Variants in MKLN1 observed in about 807,000 individuals in gnomAD.
MKLN1 encodes muskelin.
A neutral mutation model predicts 99.0 loss-of-function variants in MKLN1; 18 were observed. The observed-to-expected ratio is 0.18, with a 90% CI of 0.13 to 0.27. The LOEUF (loss-of-function observed/expected upper bound fraction) is 0.27, where lower values mean the gene tolerates loss of function less well. Among genes scored for constraint, MKLN1 ranks in the 10% least tolerant of loss-of-function variants. MKLN1 has a pLI of 1.00. For missense variants in MKLN1, 621 were observed against 875.9 expected (o/e 0.71, Z 3.67); for synonymous variants, 288 against 293.2 (o/e 0.98, Z 0.18).
intron 4 of MKLN1, among the ~76,000 whole-genome samples, chr7:131,391,224 T>C (rs950919455): frequency 1.3e-5 from 2 of 152,226 alleles, no homozygotes; most frequent in African/African-American, 4.8e-5. Flanking sequence ...CAGACGTTTA[T>C]TTCATTTAGG....
chr7:131,356,704 T>G (rs926742811), intron 1 of MKLN1, among the ~76,000 whole-genome samples: 2 of 152,128 alleles, frequency 1.3e-5, no homozygotes, highest in African/African-American at 4.8e-5. Context: ...TTCTTGAATA[T>G]TGAAAGGACA....
At chr7:131,123,736 C>T (rs57843568) in intron 1 of MKLN1, among the ~76,000 whole-genome samples, 8,342 of 151,316 alleles carry the variant, frequency 0.055, 264 homozygotes, top group Middle Eastern at 0.083. Flanking sequence ...TGCAGTGAGC[C>T]GAGATTGTGC....
intron 1 of MKLN1, among the ~76,000 whole-genome samples, chr7:131,140,976 G>A (rs1795723601): frequency 1.3e-5 from 2 of 151,958 alleles, no homozygotes; most frequent in Admixed American, 1.3e-4. Context: ...AGTAGAGATG[G>A]GGCTTCACCG....
chr7:131,378,848 G>A (rs1793749532), intron 2 of MKLN1, among the ~76,000 whole-genome samples: 1 of 150,804 alleles, frequency 6.6e-6, no homozygotes, highest in African/African-American at 2.4e-5. Context: ...AAAAATACAC[G>A]CACGTGTGCA....
chr7:131,345,548 C>T (rs1799534450), intron 1 of MKLN1, among the ~76,000 whole-genome samples: 2 of 152,204 alleles, frequency 1.3e-5, no homozygotes, highest in South Asian at 2.1e-4. Context: ...GAGACCTCTT[C>T]TCTACAAAAC....
intron 3 of MKLN1, among the ~76,000 whole-genome samples, chr7:131,314,329 C>T (rs1226434598): frequency 1.3e-5 from 2 of 152,208 alleles, no homozygotes; most frequent in African/African-American, 4.8e-5. Flanking sequence ...CTTTTTCTGT[C>T]TTCCTTTAGG....
At position 131,212,936 on chromosome 7, in the gene MKLN1, C is replaced by A. The variant is rs575890613; in HGVS notation, c.-179+9962C>A. Among the ~76,000 whole-genome samples, 14 of 148,628 alleles carry A rather than the reference C, an allele frequency of 9.4e-5. 1 individual carries two copies. Among genetic ancestry groups the A allele is most frequent in the East Asian group, 2.0e-4 (1 of 5,096 alleles). On this transcript the variant is annotated intron_variant, in intron 3 of 7. Coordinates refer to the MKLN1 transcript ENST00000416992. Reference sequence around the variant, plus strand: ...AAAACTCCGTCTCAAAAAAAAAAAACAAAAAACACCTACCTTAACAGATCT... The same window carrying A: ...AAAACTCCGTCTCAAAAAAAAAAAAAAAAAAACACCTACCTTAACAGATCT...
At chr7:131,404,959 T>G (rs551037581) in intron 6 of MKLN1, among the ~76,000 whole-genome samples, 81 of 132,090 alleles carry the variant, frequency 6.1e-4, no homozygotes, top group Non-Finnish European at 8.2e-5. Context: ...CACTTTCCAG[T>G]GTCTGAAGCT....
intron 3 of MKLN1, among the ~76,000 whole-genome samples, chr7:131,264,102 C>G (rs987925552): frequency 6.6e-6 from 1 of 152,176 alleles, no homozygotes; most frequent in Non-Finnish European, 1.5e-5. Context: ...ACTGTTCTTT[C>G]TCTGGGCCCA....
At chr7:131,193,742 C>T (rs957034540) in intron 2 of MKLN1, among the ~76,000 whole-genome samples, 2 of 152,012 alleles carry the variant, frequency 1.3e-5, no homozygotes, top group Non-Finnish European at 2.9e-5. Context: ...TCACGGCAGC[C>T]TCAACTCCCC....
At chr7:131,429,497 T>C (rs1795459572) in intron 9 of MKLN1, among the ~76,000 whole-genome samples, 1 of 152,222 alleles carries the variant, frequency 6.6e-6, no homozygotes, top group African/African-American at 2.4e-5. Context: ...TTATTTTTAT[T>C]TCTTCTGGAA....
intron 3 of MKLN1, among the ~76,000 whole-genome samples, chr7:131,203,271 A>G (rs773896885): frequency 3.9e-5 from 6 of 152,200 alleles, no homozygotes; most frequent in African/African-American, 7.2e-5. Context: ...GGATTGGTTT[A>G]ATAATAATTG....
rs186566822 is a variant in MKLN1 at position 131,210,027 on chromosome 7, T to G, written c.-179+7053T>G. On this transcript the variant is annotated intron_variant, in intron 3 of 7. Transcript: ENST00000416992. ...AAATCATCTATTGCCAAACATCTTG[T>G]TTATGAAAAAAGTAAAACTATTTGT... Among the ~76,000 whole-genome samples the G allele has an allele frequency of 7.2e-5, 11 of 152,318 alleles. No homozygotes were observed. The East Asian group carries it at 1.3e-3, about 19-fold the overall frequency.
chr7:131,487,968 T>A lies in MKLN1; in HGVS notation c.*240T>A. 1 of 173,736 alleles carries A rather than the reference T, an allele frequency of 5.8e-6. No individual in the cohort carries two copies. Among genetic ancestry groups the A allele is most frequent in the Non-Finnish European group, 1.2e-5 (1 of 83,680 alleles). 10.8% of individuals were successfully genotyped at this position (173,736 alleles called of 1,614,324 possible). On this transcript the variant is annotated 3_prime_UTR_variant, in exon 18 of 18. Coordinates refer to ENST00000352689, the MANE Select transcript of MKLN1 (RefSeq NM_013255.5). This position sits in a 1 kb window ranked among gnomAD's most constrained non-coding sequence, Gnocchi z 4.7. ...AATTGGTATACTTTCCAGTTAAATATATATATATATATATTTTTTCTTACT... is the reference window on the plus strand; with the variant it reads ...AATTGGTATACTTTCCAGTTAAATAAATATATATATATATTTTTTCTTACT...
chr7:131,268,493 A>T (rs146074042), intron 3 of MKLN1, among the ~76,000 whole-genome samples: 1 of 152,274 alleles, frequency 6.6e-6, no homozygotes, highest in Non-Finnish European at 1.5e-5. Flanking sequence ...GGTGTGTGGA[A>T]TGTGGTGATT....
rs74975617 is a variant in MKLN1, at chr7:131,209,926, A to C, written c.-179+6952A>C. Reference sequence around the variant, plus strand: ...AGACATGAGGATTAAAGACCAATACATGAGGTACGATAAAGTAGAAAAAAA... The same window carrying C: ...AGACATGAGGATTAAAGACCAATACCTGAGGTACGATAAAGTAGAAAAAAA... On this transcript the variant is annotated intron_variant, in intron 3 of 7. Coordinates refer to the MKLN1 transcript ENST00000416992. Among the ~76,000 whole-genome samples, 713 of 152,202 alleles carry C rather than the reference A, an allele frequency of 4.7e-3. 10 individuals are homozygous for C. Among genetic ancestry groups the C allele is most frequent in the African/African-American group, 0.016 (671 of 41,474 alleles).
At chr7:131,160,049 A>C (rs1796023429) in intron 2 of MKLN1, among the ~76,000 whole-genome samples, 1 of 151,884 alleles carries the variant, frequency 6.6e-6, no homozygotes, top group African/African-American at 2.4e-5. Context: ...GAAAAAAAAA[A>C]CTCCCATGCC....
chr7:131,186,089 A>T (rs1018964215), intron 2 of MKLN1, among the ~76,000 whole-genome samples: 1 of 151,828 alleles, frequency 6.6e-6, no homozygotes, highest in Admixed American at 6.6e-5. Flanking sequence ...CTATCAGGAG[A>T]CTGAGACAGG....
chr7:131,168,351 G>C (rs1307503771), intron 2 of MKLN1, among the ~76,000 whole-genome samples: 1 of 151,944 alleles, frequency 6.6e-6, no homozygotes, highest in Non-Finnish European at 1.5e-5. Flanking sequence ...TATAATTTTA[G>C]GCTGTGTCTG....
Sources: gnomAD v4.1 joint callset for allele counts (sites outside exome capture counted in the v4.1 genomes callset) on GRCh38, gnomAD v4.1.1 for gene constraint, Gnocchi (gnomAD v3.1) non-coding constraint, MANE v1.5 for transcripts, NCBI Gene and HGNC (gene_info 2026-07-23, HGNC 2026-07-21) for gene names.